The following NCKAP5 variants were observed in gnomAD, a reference collection of about 807,000 sequenced individuals.
The protein encoded by NCKAP5 is NCK associated protein 5, also known as nck-associated protein 5.
Under a neutral mutation model 167.0 loss-of-function variants are expected in NCKAP5, and 92 were observed. The observed-to-expected ratio is 0.55, with a 90% confidence interval of 0.47 to 0.66. The LOEUF is 0.66. Among genes scored for constraint, NCKAP5 ranks in the 30% least tolerant of loss-of-function variants. NCKAP5 has a pLI of 0.00. For missense variants in NCKAP5, 2,378 were observed against 2,315.0 expected (o/e 1.03, Z -0.56); for synonymous variants, 891 against 877.4 (o/e 1.02, Z -0.27).
chr2:132,957,050 G>A (rs569264541), intron 8 of NCKAP5, among the ~76,000 whole-genome samples: 5 of 152,284 alleles, frequency 3.3e-5, no homozygotes, highest in South Asian at 2.1e-4. Flanking sequence ...AGTGTCATCT[G>A]TATGCTGATG....
chr2:132,924,842 C>T (rs956592624), intron 8 of NCKAP5, among the ~76,000 whole-genome samples: 17 of 150,732 alleles, frequency 1.1e-4, no homozygotes, highest in African/African-American at 2.9e-4. Context: ...GCAGAATTGA[C>T]GTGAAAAAAA....
At chr2:133,057,582 G>C (rs1189618520) in intron 6 of NCKAP5, among the ~76,000 whole-genome samples, 2 of 152,320 alleles carry the variant, frequency 1.3e-5, no homozygotes, top group East Asian at 3.9e-4. Context: ...CCTGCAGCAA[G>C]ACCTTAACTC....
chr2:133,261,199 A>T (rs1055873483), intron 4 of NCKAP5, among the ~76,000 whole-genome samples: 1 of 151,924 alleles, frequency 6.6e-6, no homozygotes, highest in Admixed American at 6.6e-5. Context: ...GGGGATCAAG[A>T]GATTGTTGAA....
intron 8 of NCKAP5, among the ~76,000 whole-genome samples, chr2:132,960,322 G>A (rs1345396544): frequency 6.6e-6 from 1 of 152,164 alleles, no homozygotes; most frequent in Admixed American, 6.5e-5. Context: ...GAACTTGGCT[G>A]TGGGAGAAGG....
At chr2:132,840,513 G>A (rs1399612878) in intron 11 of NCKAP5, among the ~76,000 whole-genome samples, 1 of 152,110 alleles carries the variant, frequency 6.6e-6, no homozygotes, top group East Asian at 1.9e-4. Flanking sequence ...CTGACCTCAG[G>A]TGATCCACCT....
chr2:132,775,653 G>C (rs982901568), intron 15 of NCKAP5, among the ~76,000 whole-genome samples: 1 of 152,338 alleles, frequency 6.6e-6, no homozygotes, highest in East Asian at 1.9e-4. Flanking sequence ...AAAGACCAAA[G>C]TACTACTTAT....
At chr2:133,300,624 T>C (rs1455459479) in intron 4 of NCKAP5, among the ~76,000 whole-genome samples, 3 of 134,156 alleles carry the variant, frequency 2.2e-5, no homozygotes, top group Admixed American at 7.4e-5. Flanking sequence ...TGATGGGACG[T>C]ATTTCAAAAT....
rs1183428864 is a variant in NCKAP5, at chr2:132,790,200, G to C, written c.915C>G (p.His305Gln). The C allele has an allele frequency of 6.2e-7, 1 of 1,611,372 alleles. No individual in the cohort carries two copies. Among genetic ancestry groups the C allele is most frequent in the Admixed American group, 1.7e-5 (1 of 59,638 alleles). ...QSRTDAEVHEHQLNTKSALKC... is the reference protein window; with the variant it reads ...QSRTDAEVHEQQLNTKSALKC... ...TCAAGGCCGATTTTGTATTTAGTTGGTGTTCCTGAAAAAGCAGGACAGCTC... is the reference window on the plus strand; with the variant it reads ...TCAAGGCCGATTTTGTATTTAGTTGCTGTTCCTGAAAAAGCAGGACAGCTC... Residue 305 changes from histidine to glutamine, a missense_variant, in exon 13 of 20, where the codon CAC (histidine) becomes CAG (glutamine). This residue lies in a region of NCKAP5 where 1,049 missense variants were observed against 1,023.4 expected (regional missense o/e 1.02). Coordinates refer to ENST00000409261, the MANE Select transcript of NCKAP5 (RefSeq NM_207363.3).
Position 133,517,551 on chromosome 2 carries a change from G to A in NCKAP5, c.-25C>T. On this transcript the variant is annotated 5_prime_UTR_variant, in exon 3 of 20. Transcript: ENST00000409261. ...TGGATGAAGTTATTTATTTTCTTTT[G>A]TGACTTATAAGAATCCCCCGTCTGT... The A allele has an allele frequency of 1.4e-6, 2 of 1,462,848 alleles. No homozygotes were observed. Among genetic ancestry groups the A allele is most frequent in the Non-Finnish European group, 1.8e-6 (2 of 1,088,362 alleles). The allele number at this position is 1,462,848 out of a possible 1,614,324, so 90.6% of individuals were successfully genotyped here. A position where few individuals can be genotyped will look rare whatever the true frequency, so the allele number is the denominator to read the frequency against.
At chr2:132,769,162 G>C (rs1681800720) in intron 16 of NCKAP5, among the ~76,000 whole-genome samples, 1 of 149,870 alleles carries the variant, frequency 6.7e-6, no homozygotes, top group Admixed American at 6.7e-5. Flanking sequence ...TGCTCAGGCT[G>C]GTCTTGAACT....
chr2:133,314,929 A>G (rs1437042061), intron 3 of NCKAP5, among the ~76,000 whole-genome samples: 1 of 152,212 alleles, frequency 6.6e-6, no homozygotes, highest in Non-Finnish European at 1.5e-5. Context: ...AGACAAAACC[A>G]GCGTAAAGGA....
intron 2 of NCKAP5, among the ~76,000 whole-genome samples, chr2:133,541,223 A>G (rs1417208132): frequency 6.6e-6 from 1 of 151,868 alleles, no homozygotes; most frequent in Non-Finnish European, 1.5e-5. Context: ...TAACTTCATG[A>G]ATTTTTGTCT....
chr2:133,392,728 C>T (rs1360350482), intron 3 of NCKAP5, among the ~76,000 whole-genome samples: 1 of 152,022 alleles, frequency 6.6e-6, no homozygotes, highest in African/African-American at 2.4e-5. Context: ...TCCATTTATC[C>T]AAGTCCATAG....
At chr2:133,665,968 T>C in the NCKAP5 span, among the ~76,000 whole-genome samples, 1 of 152,110 alleles carries the variant, frequency 6.6e-6, no homozygotes, top group East Asian at 1.9e-4. Context: ...ATATGAATGT[T>C]TATTAATTAA....
rs112613726 is a variant in NCKAP5, at chr2:133,329,582, G to A, written c.70-26472C>T. Among the ~76,000 whole-genome samples the A allele has an allele frequency of 1.6e-3, 239 of 152,214 alleles. 3 individuals are homozygous for A. The highest frequency in any genetic ancestry group is 5.2e-3 in the African/African-American group (218 of 41,528). ...GGAAAGAAACAGAAAGGGAGGATGG[G>A]CTTAGCAAATGAGCAGACTATATAA... On this transcript the variant is annotated intron_variant, in intron 3 of 19. Coordinates refer to ENST00000409261, the MANE Select transcript of NCKAP5 (RefSeq NM_207363.3).
intron 2 of NCKAP5, among the ~76,000 whole-genome samples, chr2:133,521,020 G>A (rs1400255682): frequency 7.9e-5 from 12 of 152,174 alleles, no homozygotes; most frequent in Non-Finnish European, 1.5e-5. Flanking sequence ...ATTTATCCAA[G>A]TGGATCAAAG....
chr2:133,653,622 G>C, the NCKAP5 span, among the ~76,000 whole-genome samples: 1 of 152,252 alleles, frequency 6.6e-6, no homozygotes, highest in East Asian at 1.9e-4. Flanking sequence ...GTTAAATAGA[G>C]GGCAGAAATT....
intron 6 of NCKAP5, among the ~76,000 whole-genome samples, chr2:133,105,912 T>C (rs905945229): frequency 6.6e-6 from 1 of 152,286 alleles, no homozygotes; most frequent in South Asian, 2.1e-4. Context: ...TTCACAGGCA[T>C]AGAAATAAAA....
intron 5 of NCKAP5, among the ~76,000 whole-genome samples, chr2:133,165,696 T>A (rs16857829): frequency 0.14 from 21,487 of 152,138 alleles, 1,698 homozygotes; most frequent in East Asian, 0.39. Flanking sequence ...TCCTGTGTTA[T>A]GAGCATGCAA....
Sources: gnomAD v4.1 joint callset for allele counts (sites outside exome capture counted in the v4.1 genomes callset) on GRCh38, gnomAD v4.1.1 for gene constraint, gnomAD v4.1.1 regional missense constraint, MANE v1.5 for transcripts, NCBI Gene and HGNC (gene_info 2026-07-23, HGNC 2026-07-21) for gene names.